Variants in MTFR2 observed in about 807,000 individuals in gnomAD.
MTFR2 encodes the protein DUF729 domain-containing protein 1.
In MTFR2, 44 loss-of-function variants were observed where a neutral mutation model predicts 41.2. That is an observed-to-expected ratio of 1.07 (90% CI 0.84 to 1.37). The LOEUF (loss-of-function observed/expected upper bound fraction) is 1.37. MTFR2 is among the 40% of genes most tolerant of loss of function. The probability of loss-of-function intolerance (pLI) is 0.00; values close to 1 mark genes in which losing one functional copy is unlikely to be tolerated. For synonymous variants in MTFR2, 141 were observed against 154.6 expected, an observed-to-expected ratio of 0.91 and a Z score of 0.65; for missense variants, 452 against 459.5, an observed-to-expected ratio of 0.98 and a Z score of 0.15.
At position 136,231,809 on chromosome 6, in the gene MTFR2, C is replaced by T. The variant is rs920150417; in HGVS notation, c.1045-421G>A. Among the ~76,000 whole-genome samples the T allele has an allele frequency of 1.1e-4, 16 of 151,684 alleles. No homozygotes were observed. The East Asian group carries it at 1.2e-3, about 11-fold the overall frequency. The stretch of plus-strand genomic sequence containing the variant: ...TCGTTTATCCACTATCACTGGGAAA[C>T]AGTGTGTTCCACCTACGGGAACTTC... On this transcript the variant is annotated intron_variant, in intron 7 of 7. Coordinates refer to ENST00000420702, the MANE Select transcript of MTFR2 (RefSeq NM_001099286.3).
At chr6:136,231,427 A>G in intron 7 of MTFR2, 39 bp from the exon 8 acceptor site, 1 of 1,294,026 alleles carries the variant, frequency 7.7e-7, no homozygotes, top group Non-Finnish European at 1.1e-6. Context: ...AATTATTCTA[A>G]TGTCAAAAAA....
rs1202229966 is a variant in MTFR2 at position 136,241,610 on chromosome 6, A to G, written c.348T>C (p.Asp116=). The G allele has an allele frequency of 6.2e-7, 1 of 1,614,014 alleles. No individual in the cohort carries two copies. Among genetic ancestry groups the G allele is most frequent in the African/African-American group, 1.3e-5 (1 of 74,916 alleles). Residue 116 remains aspartate (D), a synonymous_variant, in exon 5 of 8, where the codon GAT becomes GAC. Transcript: ENST00000420702. ...TCTGTCTTACAGCAGGTGACAGTGG[A>G]TCCCGAACTAGTCGCAAAGGATGAA... ...EIFHPLRLVR[D]PLSPAVRQKE... is the part of the protein sequence containing the mutation.
At chr6:136,240,483 A>G (rs1254504875) in intron 5 of MTFR2, among the ~76,000 whole-genome samples, 2 of 152,096 alleles carry the variant, frequency 1.3e-5, no homozygotes, top group African/African-American at 4.8e-5. Flanking sequence ...GTATTAAAAA[A>G]TTTTTAGCAA....
At position 136,240,931 on chromosome 6, in the gene MTFR2, A is replaced by T. The variant is rs1780046956; in HGVS notation, c.514+513T>A. Among the ~76,000 whole-genome samples the T allele has an allele frequency of 2.6e-5, 4 of 152,274 alleles. No individual in the cohort carries two copies. In the South Asian group the frequency reaches 8.3e-4, roughly 32 times the overall value. On this transcript the variant is annotated intron_variant, in intron 5 of 7. Transcript: ENST00000420702. Reference sequence around the variant, plus strand: ...ACGGTGAAACCCCGTCTCTACTAAAAATACAAAAAATTAGCCGAGCGTGGT... The same window carrying T: ...ACGGTGAAACCCCGTCTCTACTAAATATACAAAAAATTAGCCGAGCGTGGT...
chr6:136,239,646 T>C lies in MTFR2; in HGVS notation c.689A>G (p.Gln230Arg). Residue 230 changes from glutamine (Q) to arginine (R), a missense_variant, in exon 6 of 8, where the codon CAA becomes CGA. Transcript: ENST00000420702. ...SLQPPCFPPV[Q>R]PGSNNICDSD... is the part of the protein sequence containing the mutation. ...GTCACAAATATTATTAGATCCTGGT[T>C]GTACGGGAGGAAAACACGGTGGCTG... is the stretch of plus-strand genomic sequence containing the variant. The C allele has an allele frequency of 6.2e-7, 1 of 1,614,032 alleles. No homozygotes were observed. Among genetic ancestry groups the C allele is most frequent in the South Asian group, 1.1e-5 (1 of 91,062 alleles).
intron 2 of MTFR2, 122 bp from the exon 3 acceptor site, chr6:136,244,991 G>A (rs996885000): frequency 1.6e-6 from 1 of 619,584 alleles, no homozygotes; most frequent in Non-Finnish European, 2.7e-6. Flanking sequence ...TTAATACAGG[G>A]AGTCCTGTAA....
At chr6:136,232,606 C>A (rs77194236) in intron 7 of MTFR2, among the ~76,000 whole-genome samples, 2,908 of 152,232 alleles carry the variant, frequency 0.019, 47 homozygotes, top group African/African-American at 0.042. Context: ...CCTCTGCTGA[C>A]GTCTGTCCTT....
chr6:136,244,854 C>T lies in MTFR2; in HGVS notation c.79G>A (p.Glu27Lys). The change falls in exon 3 of 8, where the codon GAA becomes AAA. Residue 27 changes from glutamate (E) to lysine (K), a missense_variant. Glu to Lys is a moderately conservative substitution (Grantham distance 56). Coordinates refer to ENST00000420702, the MANE Select transcript of MTFR2 (RefSeq NM_001099286.3). ...VPVEQVLLIW[E>K]NKDYGSTRSI... ...CTAGTTGATCCATAGTCTTTATTTT[C>T]CCAAATCAGCAAAACCTATTTTAAA... is the stretch of plus-strand genomic sequence containing the variant. The T allele has an allele frequency of 6.2e-7, 1 of 1,607,878 alleles. No individual in the cohort carries two copies. Among genetic ancestry groups the T allele is most frequent in the Non-Finnish European group, 8.5e-7 (1 of 1,177,064 alleles).
At chr6:136,242,319 G>C (rs1054956121) in intron 4 of MTFR2, among the ~76,000 whole-genome samples, 3 of 151,998 alleles carry the variant, frequency 2.0e-5, no homozygotes, top group Non-Finnish European at 4.4e-5. Context: ...TTTAAACGCA[G>C]GTAAGTTAAT....
intron 6 of MTFR2, among the ~76,000 whole-genome samples, chr6:136,237,472 A>C (rs1779937717): frequency 6.6e-6 from 1 of 152,216 alleles, no homozygotes; most frequent in Non-Finnish European, 1.5e-5. Context: ...AAAACCAAAA[A>C]GATTTTAACA....
chr6:136,236,481 G>A (rs1033952628), intron 6 of MTFR2, among the ~76,000 whole-genome samples: 2 of 152,178 alleles, frequency 1.3e-5, no homozygotes, highest in African/African-American at 4.8e-5. Context: ...AGAGAATAGG[G>A]GGACAGGAGG....
intron 2 of MTFR2, 101 bp from the exon 3 acceptor site, chr6:136,244,970 G>C (rs1160051598): frequency 1.2e-6 from 1 of 819,356 alleles, no homozygotes; most frequent in Non-Finnish European, 1.8e-6. Context: ...AGACGCAGTG[G>C]CATTTTTTTT....
chr6:136,233,265 T>C (rs1275848243), intron 7 of MTFR2, 60 bp downstream of exon 7: 2 of 1,438,156 alleles, frequency 1.4e-6, no homozygotes, highest in South Asian at 1.2e-5. Flanking sequence ...CACAAAGCTG[T>C]AACATAAACA....
chr6:136,247,669 C>T (rs924592995), intron 2 of MTFR2: 12 of 403,302 alleles, frequency 3.0e-5, no homozygotes, highest in South Asian at 2.2e-4. Flanking sequence ...GATCCCACCT[C>T]CCTTCCTGAT....
intron 7 of MTFR2, 171 bp downstream of exon 7, chr6:136,233,154 T>C: frequency 2.1e-6 from 1 of 487,432 alleles, no homozygotes. Context: ...AAAGTGAAAA[T>C]GAGCATATAA....
chr6:136,238,847 G>A (rs964289733), intron 6 of MTFR2, among the ~76,000 whole-genome samples: 3 of 151,836 alleles, frequency 2.0e-5, no homozygotes, highest in African/African-American at 4.8e-5. Flanking sequence ...TGGGCAGATC[G>A]CTTGAGCTCA....
rs1296830485 is a variant in MTFR2 at position 136,231,396 on chromosome 6, A to C, written c.1045-8T>G. The C allele has an allele frequency of 1.9e-6, 3 of 1,547,694 alleles. No homozygotes were observed. The highest frequency in any genetic ancestry group is 2.7e-6 in the Non-Finnish European group (3 of 1,129,082). On this transcript the variant is annotated splice_region_variant and splice_polypyrimidine_tract_variant and intron_variant, in intron 7 of 7. Transcript: ENST00000420702. ...TGAAATGTGATGTCCAAACTGAAAT[A>C]AAGCAAATATTTAACACAGAAATTA...
intron 2 of MTFR2, 134 bp downstream of exon 2, chr6:136,248,903 A>G: frequency 1.4e-6 from 1 of 712,068 alleles, no homozygotes; most frequent in South Asian, 1.8e-5. Context: ...CTATACTATT[A>G]CAAACTCACC....
At chr6:136,247,655 T>C in intron 2 of MTFR2, 1 of 420,268 alleles carries the variant, frequency 2.4e-6, no homozygotes, top group South Asian at 1.7e-5. Context: ...AAAAGAAGGT[T>C]GCTGATCCCA....
Sources: allele counts gnomAD v4.1 joint callset (sites outside exome capture counted in the v4.1 genomes callset), GRCh38; gene constraint gnomAD v4.1.1; transcripts MANE v1.5; gene names NCBI Gene and HGNC (gene_info 2026-07-23, HGNC 2026-07-21).